Variants in RALYL observed in about 807,000 individuals in gnomAD.
RALYL encodes the protein RALY RNA binding protein like.
Under a neutral mutation model 35.1 loss-of-function variants are expected in RALYL, and 29 were observed. That is an observed-to-expected ratio of 0.83 (90% confidence interval 0.61 to 1.13). The LOEUF (loss-of-function observed/expected upper bound fraction) is 1.13, where lower values mean the gene tolerates loss of function less well. Among genes scored for constraint, RALYL ranks in the 50% most tolerant of loss-of-function variants. RALYL has a pLI of 0.00. For missense variants in RALYL, 359 were observed against 360.4 expected (o/e 1.00, Z 0.03); for synonymous variants, 120 against 127.6 (o/e 0.94, Z 0.40).
chr8:84,230,057 T>C (rs1464309982), intron 1 of RALYL, among the ~76,000 whole-genome samples: 1 of 152,126 alleles, frequency 6.6e-6, no homozygotes, highest in Non-Finnish European at 1.5e-5. Context: ...AACAAATAAA[T>C]GAAGTAATGT....
chr8:84,223,560 C>T (rs1478483973), intron 1 of RALYL, among the ~76,000 whole-genome samples: 1 of 152,110 alleles, frequency 6.6e-6, no homozygotes, highest in Admixed American at 6.6e-5. Context: ...ACCATGAACC[C>T]TGATTGACCC....
chr8:84,350,025 T>G (rs1192693871), intron 1 of RALYL, among the ~76,000 whole-genome samples: 1 of 150,612 alleles, frequency 6.6e-6, no homozygotes. Flanking sequence ...ATTTTTGCAT[T>G]TGATTTCTGG....
chr8:84,662,560 C>T (rs929241770), intron 2 of RALYL, among the ~76,000 whole-genome samples: 5 of 151,772 alleles, frequency 3.3e-5, no homozygotes, highest in African/African-American at 9.7e-5. Context: ...CAAAATAATC[C>T]GAGGTTGGAA....
At chr8:84,684,127 A>G (rs748207030) in intron 2 of RALYL, among the ~76,000 whole-genome samples, 10 of 152,204 alleles carry the variant, frequency 6.6e-5, no homozygotes, top group Non-Finnish European at 1.3e-4. Context: ...GACATGACTG[A>G]GCCCTGAAGG....
intron 1 of RALYL, among the ~76,000 whole-genome samples, chr8:84,240,077 A>G (rs1827538164): frequency 6.6e-6 from 1 of 152,176 alleles, no homozygotes; most frequent in South Asian, 2.1e-4. Flanking sequence ...AGCAATGACT[A>G]AATTTTTAAA....
chr8:84,755,285 TATAC>T (rs749478723), intron 2 of RALYL, among the ~76,000 whole-genome samples: 7 of 152,196 alleles, frequency 4.6e-5, no homozygotes, highest in Non-Finnish European at 7.3e-5. Flanking sequence ...TCTTTTTGTA[TATAC>T]ATGGTAGGAA....
chr8:84,293,039 A>G (rs550123103), intron 1 of RALYL, among the ~76,000 whole-genome samples: 1 of 152,260 alleles, frequency 6.6e-6, no homozygotes, highest in South Asian at 2.1e-4. Context: ...CCTTTTAAAC[A>G]TTACTTCAGT....
chr8:84,399,787 T>C (rs1586858608), intron 1 of RALYL, among the ~76,000 whole-genome samples: 1 of 152,324 alleles, frequency 6.6e-6, no homozygotes, highest in Non-Finnish European at 1.5e-5. Flanking sequence ...TTACCTGTTG[T>C]TAGAAGGGAA....
intron 1 of RALYL, among the ~76,000 whole-genome samples, chr8:84,222,628 T>G (rs1316128738): frequency 6.6e-6 from 1 of 152,126 alleles, no homozygotes; most frequent in Non-Finnish European, 1.5e-5. Context: ...CCATTGAAAT[T>G]TATAAGTAAC....
intron 1 of RALYL, among the ~76,000 whole-genome samples, chr8:84,501,128 GT>G (rs1264645106): frequency 6.6e-6 from 1 of 152,108 alleles, no homozygotes; most frequent in African/African-American, 2.4e-5. Context: ...GTGGGTGTAT[GT>G]GTTTGTAGGA....
At chr8:84,703,639 A>G (rs914334395) in intron 2 of RALYL, among the ~76,000 whole-genome samples, 8 of 152,200 alleles carry the variant, frequency 5.3e-5, no homozygotes, top group African/African-American at 1.9e-4. Context: ...ATATAATCAA[A>G]TAGTAATGCT....
intron 2 of RALYL, among the ~76,000 whole-genome samples, chr8:84,699,714 G>A (rs1839856533): frequency 6.6e-6 from 1 of 152,118 alleles, no homozygotes; most frequent in Non-Finnish European, 1.5e-5. Context: ...CCATAGCAAT[G>A]CACATCTCCA....
At chr8:84,879,552 G>A (rs1339012957) in intron 7 of RALYL, among the ~76,000 whole-genome samples, 1 of 152,062 alleles carries the variant, frequency 6.6e-6, no homozygotes, top group Non-Finnish European at 1.5e-5. Context: ...AATGTCAACA[G>A]ATAGTGCATA....
intron 1 of RALYL, among the ~76,000 whole-genome samples, chr8:84,468,054 G>T (rs977504250): frequency 4.7e-5 from 7 of 149,588 alleles, no homozygotes; most frequent in African/African-American, 9.9e-5. Flanking sequence ...TGTGAGATGG[G>T]TTTCCTGAAT....
intron 1 of RALYL, among the ~76,000 whole-genome samples, chr8:84,197,073 C>T (rs1000855753): frequency 6.6e-6 from 1 of 152,162 alleles, no homozygotes; most frequent in Non-Finnish European, 1.5e-5. Flanking sequence ...TATCCATGGC[C>T]TTGCAGAGAA....
At chr8:84,683,602 T>A (rs1375662569) in intron 2 of RALYL, among the ~76,000 whole-genome samples, 1 of 152,186 alleles carries the variant, frequency 6.6e-6, no homozygotes, top group Non-Finnish European at 1.5e-5. Flanking sequence ...TTAGCACAAC[T>A]ACATCTATAC....
At chr8:84,679,018 C>T in intron 2 of RALYL, 1 of 345,034 alleles carries the variant, frequency 2.9e-6, no homozygotes. Context: ...AGCCTGGCCA[C>T]CACCAGCACT....
rs191847422 is a variant in RALYL at position 84,921,222 on chromosome 8, A to G, written c.*311A>G. On this transcript the variant is annotated 3_prime_UTR_variant, in exon 9 of 9. Transcript: ENST00000521268. ...TAAGGGAAACACTATATACAAATGT[A>G]TATTTGTAAAAGCTATTTTTATGAT... 375 of 215,794 alleles carry G rather than the reference A, an allele frequency of 1.7e-3. No homozygotes were observed. Among genetic ancestry groups the G allele is most frequent in the Non-Finnish European group, 2.8e-3 (309 of 110,970 alleles). 13.4% of individuals were successfully genotyped at this position (215,794 alleles called of 1,614,324 possible).
At chr8:84,612,570 A>G (rs933815374) in intron 2 of RALYL, among the ~76,000 whole-genome samples, 1 of 151,872 alleles carries the variant, frequency 6.6e-6, no homozygotes, top group African/African-American at 2.4e-5. Flanking sequence ...GAGATGTGCA[A>G]GGACTTTAAA....
Sources: allele counts gnomAD v4.1 joint callset (sites outside exome capture counted in the v4.1 genomes callset), GRCh38; gene constraint gnomAD v4.1.1; transcripts MANE v1.5; gene names NCBI Gene and HGNC (gene_info 2026-07-23, HGNC 2026-07-21).